KATNAL2: variants seen among roughly 807,000 people sequenced by gnomAD.
The protein encoded by KATNAL2 is katanin catalytic subunit A1 like 2, also known as katanin p60 ATPase-containing subunit A-like 2.
Under a neutral mutation model 76.3 loss-of-function variants are expected in KATNAL2, and 52 were observed. The observed-to-expected ratio is 0.68, with a 90% confidence interval of 0.55 to 0.86. The LOEUF is 0.86. Among genes scored for constraint, KATNAL2 ranks in the 40% least tolerant of loss-of-function variants. The pLI is 0.00. For synonymous variants in KATNAL2, 243 were observed against 244.2 expected, an observed-to-expected ratio of 1.00 and a Z score of 0.05; for missense variants, 660 against 668.9, an observed-to-expected ratio of 0.99 and a Z score of 0.15.
intron 3 of KATNAL2, chr18:47,033,338 A>G: frequency 3.1e-6 from 5 of 1,613,956 alleles, no homozygotes; most frequent in Non-Finnish European, 4.2e-6. Context: ...GATTTGAAAC[A>G]GATCATCTTT....
intron 15 of KATNAL2, chr18:47,084,521 G>T: frequency 1.6e-6 from 1 of 636,550 alleles, no homozygotes; most frequent in East Asian, 2.8e-5. Flanking sequence ...CAGTTCAACT[G>T]GTTTCCCCCA....
intron 15 of KATNAL2, among the ~76,000 whole-genome samples, chr18:47,096,055 A>T (rs2063219874): frequency 6.6e-6 from 1 of 152,192 alleles, no homozygotes; most frequent in East Asian, 1.9e-4. Flanking sequence ...AAAAAGAAAT[A>T]GGTCATTGTT....
chr18:47,048,954 C>A (rs1331560822), intron 4 of KATNAL2, among the ~76,000 whole-genome samples: 1 of 150,732 alleles, frequency 6.6e-6, no homozygotes, highest in Non-Finnish European at 1.5e-5. Flanking sequence ...CCTGCCTCAG[C>A]CTCCCGAGTA....
At chr18:47,049,941 A>C (rs919404399) in intron 4 of KATNAL2, among the ~76,000 whole-genome samples, 1 of 152,206 alleles carries the variant, frequency 6.6e-6, no homozygotes, top group Admixed American at 6.5e-5. Context: ...CTATGTAGAC[A>C]TAGCTGGCCT....
chr18:47,058,924 A>G (rs2061548478), intron 7 of KATNAL2, among the ~76,000 whole-genome samples: 1 of 152,150 alleles, frequency 6.6e-6, no homozygotes, highest in South Asian at 2.1e-4. Context: ...AGAGAAGTCA[A>G]TGGCTCCTGA....
intron 15 of KATNAL2, among the ~76,000 whole-genome samples, chr18:47,086,154 C>A (rs1297877189): frequency 6.6e-6 from 1 of 152,190 alleles, no homozygotes; most frequent in Non-Finnish European, 1.5e-5. Flanking sequence ...TAAAGCAGTA[C>A]TTTCCACACT....
intron 15 of KATNAL2, among the ~76,000 whole-genome samples, chr18:47,097,239 T>C (rs960817676): frequency 6.6e-6 from 1 of 152,070 alleles, no homozygotes; most frequent in Non-Finnish European, 1.5e-5. Flanking sequence ...CTAAAACCAT[T>C]AGTTGAAAGG....
intron 3 of KATNAL2, among the ~76,000 whole-genome samples, chr18:46,961,393 A>C (rs1485453696): frequency 6.6e-6 from 1 of 152,176 alleles, no homozygotes; most frequent in Non-Finnish European, 1.5e-5. Context: ...ATCAGTTTTT[A>C]AGTCTCTGTA....
chr18:46,959,852 G>C (rs1159326416), intron 3 of KATNAL2, among the ~76,000 whole-genome samples: 1 of 152,168 alleles, frequency 6.6e-6, no homozygotes, highest in African/African-American at 2.4e-5. Context: ...TGAGGTTACA[G>C]GTGTGAGCCA....
intron 3 of KATNAL2, among the ~76,000 whole-genome samples, chr18:47,044,774 AAAACAAAAAC>A (rs2061096424): frequency 6.8e-6 from 1 of 147,372 alleles, no homozygotes; most frequent in African/African-American, 2.5e-5. Flanking sequence ...AAAAAAAACA[AAAACAAAAAC>A]AAAAACAGTT....
chr18:47,060,368 CTCCTGG>C (rs1473046776), intron 8 of KATNAL2, among the ~76,000 whole-genome samples: 1 of 152,140 alleles, frequency 6.6e-6, no homozygotes, highest in Non-Finnish European at 1.5e-5. Context: ...GGAGGGATGG[CTCCTGG>C]TCTAAATGTA....
At chr18:46,943,576 G>T (rs1229782527) in intron 1 of KATNAL2, among the ~76,000 whole-genome samples, 2 of 152,206 alleles carry the variant, frequency 1.3e-5, no homozygotes, top group Non-Finnish European at 2.9e-5. Flanking sequence ...GGTCTAAAAA[G>T]GGGAGGCATG....
intron 3 of KATNAL2, among the ~76,000 whole-genome samples, chr18:46,955,133 T>TCC (rs1491414894): frequency 1.2e-4 from 9 of 73,426 alleles, no homozygotes; most frequent in Non-Finnish European, 2.7e-4. Flanking sequence ...TTTCTTTCTT[T>TCC]CTCTCTCTCT....
intron 15 of KATNAL2, among the ~76,000 whole-genome samples, chr18:47,078,925 G>T (rs187097330): frequency 1.3e-5 from 2 of 152,256 alleles, no homozygotes; most frequent in Non-Finnish European, 2.9e-5. Flanking sequence ...TTGAGCTTAT[G>T]TTCCTTATAT....
chr18:47,058,423 A>G, intron 7 of KATNAL2, 71 bp downstream of exon 7: 1 of 872,182 alleles, frequency 1.1e-6, no homozygotes, highest in Non-Finnish European at 1.9e-6. Flanking sequence ...AAAAGGTCAC[A>G]TTTATTTATT....
Position 47,063,066 on chromosome 18 carries a change from C to A in KATNAL2, c.644C>A (p.Pro215His), listed in dbSNP as rs765027090. The A allele has an allele frequency of 1.4e-5, 22 of 1,612,974 alleles. No individual in the cohort carries two copies. The highest frequency in any genetic ancestry group is 1.8e-5 in the Non-Finnish European group (21 of 1,179,098). ...AACACCTTCGACCATAATCCAGACC[C>A]CTCAGTAAGTGGCGAAGATGTGACA... ...ALNTFDHNPD[P>H]SERLLKPLSA... Residue 215 changes from proline to histidine, a missense_variant, in exon 9 of 18, where the codon CCC becomes CAC. Pro to His is a moderately conservative substitution (Grantham distance 77). Transcript: ENST00000683218.
At chr18:47,040,471 A>G (rs1230359435) in intron 3 of KATNAL2, among the ~76,000 whole-genome samples, 1 of 152,256 alleles carries the variant, frequency 6.6e-6, no homozygotes, top group Non-Finnish European at 1.5e-5. Flanking sequence ...CCTAGAAGCC[A>G]AGATTCTGCT....
chr18:47,033,723 CACCGGCATCTTA>C (rs1300546282), intron 3 of KATNAL2: 1 of 1,614,076 alleles, frequency 6.2e-7, no homozygotes. Flanking sequence ...AGCCCGAGTA[CACCGGCATCTTA>C]GCATTCACTC....
intron 4 of KATNAL2, among the ~76,000 whole-genome samples, chr18:47,047,582 C>T (rs1439607687): frequency 6.6e-6 from 1 of 152,106 alleles, no homozygotes; most frequent in African/African-American, 2.4e-5. Context: ...AGGGCTGCTG[C>T]TACTGTGCTG....
Sources: allele counts gnomAD v4.1 joint callset (sites outside exome capture counted in the v4.1 genomes callset), GRCh38; gene constraint gnomAD v4.1.1; transcripts MANE v1.5; gene names NCBI Gene and HGNC (gene_info 2026-07-23, HGNC 2026-07-21).